IKBKG: variants seen among roughly 807,000 people sequenced by gnomAD.
IKBKG encodes NF-kappa-B essential modulator.
In IKBKG, 2 loss-of-function variants were observed where a neutral mutation model predicts 13.7. The ratio of observed to expected loss-of-function variants is 0.15; its 90% confidence interval spans 0.06 to 0.46. IKBKG has a LOEUF of 0.46. Among genes scored for constraint, IKBKG ranks in the 20% least tolerant of loss-of-function variants. IKBKG has a pLI of 0.98. For missense variants in IKBKG, 53 were observed against 150.3 expected (o/e 0.35, Z 3.39); for synonymous variants, 22 against 64.4 (o/e 0.34, Z 3.15).
chrX:154,545,726 T>C (rs1314049040), upstream of IKBKG: 2 of 264,368 alleles, frequency 7.6e-6, no homozygotes, highest in Non-Finnish European at 1.4e-5. Context: ...TCTCAGCTAC[T>C]TGGGGGGCTG....
chrX:154,551,946 A>T (rs782803636), intron 1 of IKBKG, 42 bp from the exon 2 acceptor site: 1 of 974,474 alleles, frequency 1.0e-6, no homozygotes, highest in Non-Finnish European at 1.3e-6. Context: ...CTGGGTAAGG[A>T]TGTGGGTCTC....
upstream of IKBKG, among the ~76,000 whole-genome samples, chrX:154,546,380 G>A (rs1052087148): frequency 2.7e-5 from 3 of 112,214 alleles, no homozygotes; most frequent in African/African-American, 9.7e-5. Flanking sequence ...TTCATTCAGG[G>A]TGTACATTAC....
chrX:154,550,709 C>T (rs1250495341), intron 1 of IKBKG, among the ~76,000 whole-genome samples: 1 of 111,170 alleles, frequency 9.0e-6, no homozygotes, highest in Admixed American at 9.5e-5. Context: ...GGCACAATCT[C>T]AGCTCACTGC....
intron 2 of IKBKG, among the ~76,000 whole-genome samples, chrX:154,555,692 G>T (rs2071042204): frequency 8.9e-6 from 1 of 111,943 alleles, no homozygotes; most frequent in African/African-American, 3.2e-5. Context: ...TGCTTCTCCT[G>T]CCTTAGCCTC....
rs181393437 is a variant in IKBKG at position 154,555,768 on chromosome X, C to T, written c.188-397C>T. 9.3e-3 allele frequency among the ~76,000 whole-genome samples: 1,031 copies of T among 110,969 alleles called. 13 individuals are homozygous for T. Among genetic ancestry groups the T allele is most frequent in the African/African-American group, 0.031 (953 of 30,506 alleles). Reference sequence around the variant, plus strand: ...CTAATTTTTGTATTTTTATTAGAGACGGGGTTTCACCATGTTGGCCAAGCT... The same window carrying T: ...CTAATTTTTGTATTTTTATTAGAGATGGGGTTTCACCATGTTGGCCAAGCT... On this transcript the variant is annotated intron_variant, in intron 2 of 9. Transcript: ENST00000594239.
At chrX:154,552,256 G>A in intron 2 of IKBKG, 67 bp downstream of exon 2, 1 of 964,224 alleles carries the variant, frequency 1.0e-6, no homozygotes, top group Non-Finnish European at 1.4e-6. Flanking sequence ...CTGCACCTCT[G>A]CGTTTCCTGG....
upstream of IKBKG, among the ~76,000 whole-genome samples, chrX:154,543,559 T>A (rs2070589178): frequency 4.5e-5 from 5 of 112,283 alleles, no homozygotes; most frequent in Admixed American, 9.5e-5. Flanking sequence ...TTGCAGTGCC[T>A]TGTGACAGCA....
At chrX:154,546,004 G>A (rs957966566), upstream of IKBKG, 13 of 1,206,330 alleles carry the variant, frequency 1.1e-5, no homozygotes, top group Admixed American at 2.6e-4. Context: ...GCACTTCCTG[G>A]CTTTTAAGAT....
upstream of IKBKG, among the ~76,000 whole-genome samples, chrX:154,544,702 TCAGAGGACAATGG>T (rs2070642921): frequency 9.0e-6 from 1 of 111,190 alleles, no homozygotes; most frequent in Admixed American, 9.5e-5. Flanking sequence ...TTATGGGGAG[TCAGAGGACAATGG>T]CCCCTCCTTA....
chrX:154,543,044 T>C (rs1264154837), upstream of IKBKG, among the ~76,000 whole-genome samples: 5 of 111,662 alleles, frequency 4.5e-5, no homozygotes, highest in Admixed American at 4.7e-4. Context: ...CCTGCCTACC[T>C]CCCGCACCGA....
At chrX:154,547,887 C>T (rs1300567044) in intron 1 of IKBKG, 142 bp downstream of exon 1, 12 of 753,700 alleles carry the variant, frequency 1.6e-5, no homozygotes, top group Non-Finnish European at 1.9e-5. Flanking sequence ...CTGGCCAAGG[C>T]GGGCCGATTC....
Position 154,550,260 on chromosome X carries a change from A to G in IKBKG, c.-15-1728A>G, listed in dbSNP as rs868942840. Among the ~76,000 whole-genome samples, 29 of 94,064 alleles carry G rather than the reference A, an allele frequency of 3.1e-4. No homozygotes were observed. The South Asian group carries it at 3.1e-3, about 10-fold the overall frequency. The allele number at this position is 94,064 out of a possible 115,157, so 81.7% of individuals were successfully genotyped here. On this transcript the variant is annotated intron_variant, in intron 1 of 9. Transcript: ENST00000594239. ...TGTGTGTGTGTGTGTGTGTGTGTGT[A>G]TGTGTGTGTGTGTGTGTGAGAGAGA...
intron 2 of IKBKG, among the ~76,000 whole-genome samples, chrX:154,555,273 C>G (rs921417096): frequency 2.7e-5 from 3 of 112,067 alleles, no homozygotes; most frequent in Non-Finnish European, 5.6e-5. Flanking sequence ...GAGGCTGACC[C>G]TAGGAGTCTG....
chrX:154,545,982 G>A (rs2070698542), upstream of IKBKG: 1 of 1,199,526 alleles, frequency 8.3e-7, no homozygotes, highest in Non-Finnish European at 1.1e-6. Flanking sequence ...GAAAAGCTGA[G>A]GCATGGAGCA....
upstream of IKBKG, chrX:154,542,429 G>A: frequency 8.4e-7 from 1 of 1,186,732 alleles, no homozygotes; most frequent in Non-Finnish European, 1.1e-6. Flanking sequence ...AGTCTACAAG[G>A]CCAGAGCTTT....
Position 154,552,296 on chromosome X carries a change from C to T in IKBKG, c.187+107C>T, listed in dbSNP as rs782487188. 3.9e-5 allele frequency: 25 copies of T among 637,159 alleles called. No homozygotes were observed. In the South Asian group the frequency reaches 6.8e-4, roughly 17 times the overall value. The allele number at this position is 637,159 out of a possible 1,213,427, so 52.5% of individuals were successfully genotyped here. A position where few individuals can be genotyped will look rare whatever the true frequency, so the allele number is the denominator to read the frequency against. ...GGGGTGGGGATGTGCTGCCCTCCCT[C>T]TTGGTTTCAGGAAGTAGACTCTGAG... On this transcript the variant is annotated intron_variant, in intron 2 of 9. Coordinates refer to ENST00000594239, the MANE Select transcript of IKBKG (RefSeq NM_001099857.5).
chrX:154,544,573 G>A (rs1313618748), upstream of IKBKG, among the ~76,000 whole-genome samples: 3 of 112,465 alleles, frequency 2.7e-5, no homozygotes, highest in African/African-American at 9.7e-5. Context: ...GGGAATACAG[G>A]CGTGAGCCAC....
At chrX:154,542,477 G>A (rs373355350), upstream of IKBKG, 112 of 1,163,870 alleles carry the variant, frequency 9.6e-5, no homozygotes, top group Non-Finnish European at 1.2e-4. Flanking sequence ...TCCCTTTCTG[G>A]TAGGGGTGGG....
chrX:154,545,945 C>G (rs2070697480), upstream of IKBKG: 8 of 1,107,052 alleles, frequency 7.2e-6, no homozygotes, highest in African/African-American at 1.8e-5. Flanking sequence ...CTTAGCAGAG[C>G]CTGTGGGGCC....
Sources: allele counts gnomAD v4.1 joint callset (sites outside exome capture counted in the v4.1 genomes callset), GRCh38; gene constraint gnomAD v4.1.1; transcripts MANE v1.5; gene names NCBI Gene and HGNC (gene_info 2026-07-23, HGNC 2026-07-21).